TTC28: variants seen among roughly 807,000 people sequenced by gnomAD.
The protein encoded by TTC28 is tetratricopeptide repeat domain 28.
TTC28 carries 61 observed loss-of-function variants against 198.0 expected under a neutral mutation model. That is an observed-to-expected ratio of 0.31 (90% CI 0.25 to 0.38). TTC28 has a LOEUF of 0.38. Ranked by LOEUF, TTC28 falls within the 10% of genes least tolerant of loss-of-function variation. The probability of loss-of-function intolerance (pLI) is 1.00; values close to 1 mark genes in which losing one functional copy is unlikely to be tolerated. For missense variants in TTC28, 2,678 were observed against 3,164.0 expected, an observed-to-expected ratio of 0.85 and a Z score of 3.69; for synonymous variants, 1,171 against 1,297.8, an observed-to-expected ratio of 0.90 and a Z score of 2.10.
intron 2 of TTC28, among the ~76,000 whole-genome samples, chr22:28,411,693 G>A (rs2047084328): frequency 1.3e-5 from 2 of 152,126 alleles, no homozygotes; most frequent in Admixed American, 6.5e-5. Flanking sequence ...GGTTGCATAG[G>A]CAGTGAAAAT....
chr22:28,207,599 T>C (rs1263356123), intron 5 of TTC28, among the ~76,000 whole-genome samples: 1 of 152,134 alleles, frequency 6.6e-6, no homozygotes, highest in East Asian at 1.9e-4. Flanking sequence ...CAGAACATAG[T>C]AAGCGTACAG....
chr22:28,612,311 C>A (rs868415420), intron 2 of TTC28, among the ~76,000 whole-genome samples: 1 of 152,116 alleles, frequency 6.6e-6, no homozygotes, highest in Admixed American at 6.5e-5. Flanking sequence ...TACAGGAGCA[C>A]CCAGATTCAT....
intron 2 of TTC28, among the ~76,000 whole-genome samples, chr22:28,562,275 T>C (rs1569026935): frequency 6.6e-6 from 1 of 152,196 alleles, no homozygotes; most frequent in Non-Finnish European, 1.5e-5. Flanking sequence ...GCCATAGCAA[T>C]GCTTTCAATT....
chr22:28,008,062 T>C (rs1442644804), intron 14 of TTC28: 1 of 152,192 alleles, frequency 6.6e-6, no homozygotes, highest in African/African-American at 2.4e-5. Context: ...GTCTGATTGT[T>C]TCTAAGGACA....
chr22:28,385,663 TGATCAG>T (rs1207255868), intron 2 of TTC28, among the ~76,000 whole-genome samples: 1 of 152,114 alleles, frequency 6.6e-6, no homozygotes, highest in East Asian at 1.9e-4. Context: ...CAAATGCCTC[TGATCAG>T]GTTATTTCAT....
chr22:28,043,716 G>C (rs1246474515), intron 12 of TTC28, among the ~76,000 whole-genome samples: 1 of 152,288 alleles, frequency 6.6e-6, no homozygotes, highest in South Asian at 2.1e-4. Context: ...GATTAAGCAA[G>C]GTTTGGGGAG....
At chr22:28,590,578 C>T (rs1000425474) in intron 2 of TTC28, among the ~76,000 whole-genome samples, 3 of 152,122 alleles carry the variant, frequency 2.0e-5, no homozygotes, top group African/African-American at 7.2e-5. Flanking sequence ...CATAGCAAGA[C>T]ACCCATCTCT....
At chr22:28,594,029 G>A (rs190553402) in intron 2 of TTC28, among the ~76,000 whole-genome samples, 1 of 152,142 alleles carries the variant, frequency 6.6e-6, no homozygotes, top group Admixed American at 6.5e-5. Context: ...AACTACTCAT[G>A]AAAGATACAA....
intron 3 of TTC28, among the ~76,000 whole-genome samples, chr22:28,298,770 C>T (rs575388718): frequency 5.3e-5 from 8 of 152,152 alleles, no homozygotes; most frequent in African/African-American, 1.7e-4. Context: ...TGAATCTGAA[C>T]GACAGATTAA....
intron 2 of TTC28, among the ~76,000 whole-genome samples, chr22:28,526,892 G>A (rs2049014468): frequency 6.6e-6 from 1 of 152,018 alleles, no homozygotes; most frequent in South Asian, 2.1e-4. Context: ...AAGTAGTTGG[G>A]ATTACAAGCA....
intron 1 of TTC28, among the ~76,000 whole-genome samples, chr22:28,657,401 C>T (rs2051676440): frequency 6.6e-6 from 1 of 152,178 alleles, no homozygotes; most frequent in African/African-American, 2.4e-5. Context: ...TTCTTACTCT[C>T]TACTGAGAAC....
intron 2 of TTC28, among the ~76,000 whole-genome samples, chr22:28,364,741 T>C (rs1379230343): frequency 6.6e-6 from 1 of 152,170 alleles, no homozygotes; most frequent in African/African-American, 2.4e-5. Context: ...GAATTAGAAG[T>C]GGAACACAGT....
intron 2 of TTC28, among the ~76,000 whole-genome samples, chr22:28,440,830 C>T (rs2047608906): frequency 6.6e-6 from 1 of 152,168 alleles, no homozygotes; most frequent in African/African-American, 2.4e-5. Context: ...CTTACTGGTG[C>T]CCTACCAGAG....
intron 2 of TTC28, among the ~76,000 whole-genome samples, chr22:28,611,226 C>T (rs1364585099): frequency 6.6e-6 from 1 of 152,152 alleles, no homozygotes; most frequent in Non-Finnish European, 1.5e-5. Context: ...ACCACTAAGA[C>T]ACTGCTCGAG....
At chr22:28,509,716 G>T (rs1284954887) in intron 2 of TTC28, among the ~76,000 whole-genome samples, 1 of 151,472 alleles carries the variant, frequency 6.6e-6, no homozygotes, top group South Asian at 2.1e-4. Flanking sequence ...GACACGAAAA[G>T]CCCTTCAAAA....
chr22:27,987,661 A>G (rs1937259768), intron 21 of TTC28, among the ~76,000 whole-genome samples: 1 of 152,110 alleles, frequency 6.6e-6, no homozygotes, highest in South Asian at 2.1e-4. Context: ...AGCTCGCGCC[A>G]CTGCATTCCA....
chr22:28,353,508 G>T (rs2046030394), intron 2 of TTC28, among the ~76,000 whole-genome samples: 1 of 152,098 alleles, frequency 6.6e-6, no homozygotes, highest in Non-Finnish European at 1.5e-5. Context: ...ATTGACCAAT[G>T]GAACAGAACA....
At chr22:28,027,813 G>C (rs906842773) in intron 13 of TTC28, among the ~76,000 whole-genome samples, 1 of 152,270 alleles carries the variant, frequency 6.6e-6, no homozygotes, top group African/African-American at 2.4e-5. Context: ...GGCAGGGACA[G>C]GCTGGCAGGG....
chr22:28,420,587 GT>G (rs887106303), intron 2 of TTC28, among the ~76,000 whole-genome samples: 23 of 145,710 alleles, frequency 1.6e-4, no homozygotes, highest in Middle Eastern at 7.2e-3. Context: ...AAAAAAAGGT[GT>G]TTTTTTTGTT....
Sources: gnomAD v4.1 joint callset for allele counts (sites outside exome capture counted in the v4.1 genomes callset) on GRCh38, gnomAD v4.1.1 for gene constraint, MANE v1.5 for transcripts, NCBI Gene and HGNC (gene_info 2026-07-23, HGNC 2026-07-21) for gene names.